Variants in BICRA observed in about 807,000 individuals in gnomAD.
BICRA encodes the protein BRD4 interacting chromatin remodeling complex associated protein.
A neutral mutation model predicts 96.9 loss-of-function variants in BICRA; 31 were observed. The ratio of observed to expected loss-of-function variants is 0.32; its 90% CI spans 0.24 to 0.43. The LOEUF (loss-of-function observed/expected upper bound fraction) is 0.43. BICRA is among the 20% of genes least tolerant of loss of function. BICRA has a pLI of 1.00. For synonymous variants in BICRA, 1,350 were observed against 1,071.8 expected (o/e 1.26, Z -5.07); for missense variants, 2,283 against 2,190.3 (o/e 1.04, Z -0.84).
chr19:47,654,435 T>C (rs1375042482), intron 1 of BICRA, among the ~76,000 whole-genome samples: 5 of 152,102 alleles, frequency 3.3e-5, no homozygotes, highest in African/African-American at 9.7e-5. Flanking sequence ...AAAATCAACC[T>C]GTTTACTACT....
At position 47,702,420 on chromosome 19, in the gene BICRA, G is replaced by T; in HGVS notation, c.*5G>T. The T allele has an allele frequency of 1.3e-6, 2 of 1,485,788 alleles. No individual in the cohort carries two copies. The highest frequency in any genetic ancestry group is 1.8e-6 in the Non-Finnish European group (2 of 1,133,788). The allele number at this position is 1,485,788 out of a possible 1,614,324, so 92.0% of individuals were successfully genotyped here. A position where few individuals can be genotyped will look rare whatever the true frequency, so the allele number is the denominator to read the frequency against. ...GCCAGGACGTTGACCAGATAACACC[G>T]GGCCGCCTCCCCTTCCCCGTCCCCT... On this transcript the variant is annotated 3_prime_UTR_variant, in exon 15 of 15. Transcript: ENST00000594866.
chr19:47,617,221 G>A (rs1037312308), intron 1 of BICRA, among the ~76,000 whole-genome samples: 1 of 152,002 alleles, frequency 6.6e-6, no homozygotes, highest in East Asian at 1.9e-4. Context: ...ACAGTCCTCC[G>A]ACTTTGGCCT....
rs1214581750 is a variant in BICRA at position 47,702,073 on chromosome 19, C to T, written c.4341C>T (p.Pro1447=). ...TGTACCAGCGTATGCTGAAGGGCCC[C>T]CCGCCAGAGCCCGCAGCCAGCGCCG... ...DELYQRMLKG[P]PPEPAASAAQ... is the part of the protein sequence containing the mutation. The change falls in exon 15 of 15, where the codon CCC becomes CCT. Residue 1447 remains proline (P), a synonymous_variant. Transcript: ENST00000594866. 1 of 1,511,392 alleles carries T rather than the reference C, an allele frequency of 6.6e-7. No homozygotes were observed. The highest frequency in any genetic ancestry group is 2.6e-5 in the East Asian group (1 of 38,358). The allele number at this position is 1,511,392 out of a possible 1,614,324, so 93.6% of individuals were successfully genotyped here.
chr19:47,694,670 A>G lies in BICRA; in HGVS notation c.2839A>G (p.Thr947Ala). 2.0e-6 allele frequency: 3 copies of G among 1,496,448 alleles called. No individual in the cohort carries two copies. The highest frequency in any genetic ancestry group is 1.8e-6 in the Non-Finnish European group (2 of 1,097,054). 92.7% of individuals were successfully genotyped at this position (1,496,448 alleles called of 1,614,324 possible). The change falls in exon 8 of 15, where the codon ACC becomes GCC. Residue 947 changes from threonine (T) to alanine (A), a missense_variant. Thr to Ala is a moderately conservative substitution (Grantham distance 58, BLOSUM62 0). Coordinates refer to ENST00000594866, the MANE Select transcript of BICRA (RefSeq NM_001394372.1). ...PPPPRTFQMVTTPFPALPQPK... is the reference protein window; with the variant it reads ...PPPPRTFQMVATPFPALPQPK... ...GCCTCCTCGGACCTTCCAGATGGTG[A>G]CCACCCCCTTCCCAGCGCTGCCCCA...
intron 7 of BICRA, among the ~76,000 whole-genome samples, chr19:47,691,442 C>G (rs1319291371): frequency 6.6e-6 from 1 of 152,226 alleles, no homozygotes; most frequent in African/African-American, 2.4e-5. Flanking sequence ...CATTGTCAGC[C>G]TTTTGCTACA....
intron 1 of BICRA, among the ~76,000 whole-genome samples, chr19:47,638,040 C>T (rs549525953): frequency 9.9e-5 from 15 of 152,252 alleles, no homozygotes; most frequent in African/African-American, 2.9e-4. Flanking sequence ...CCTCTCTGCC[C>T]GGGGCTGCTC....
intron 1 of BICRA, among the ~76,000 whole-genome samples, chr19:47,658,327 C>G (rs1276073399): frequency 6.6e-6 from 1 of 152,082 alleles, no homozygotes; most frequent in Non-Finnish European, 1.5e-5. Context: ...GGGCCTGGAC[C>G]TTGACCAGGA....
In BICRA at chr19:47,612,629, G is replaced by A. The variant is rs187065138; in HGVS notation, c.-108+3461G>A. 7.1e-3 allele frequency among the ~76,000 whole-genome samples: 1,084 copies of A among 151,772 alleles called. 29 individuals carry two copies. Among genetic ancestry groups the A allele is most frequent in the Admixed American group, 0.051 (775 of 15,198 alleles). On this transcript the variant is annotated intron_variant, in intron 1 of 14. Coordinates refer to ENST00000594866, the MANE Select transcript of BICRA (RefSeq NM_001394372.1). Reference sequence around the variant, plus strand: ...TTAGCTGTAGGGGCTGGGGGGCTGAGGGAGAGGGGCTGGGGGGCTGACGGA... The same window carrying A: ...TTAGCTGTAGGGGCTGGGGGGCTGAAGGAGAGGGGCTGGGGGGCTGACGGA...
intron 1 of BICRA, among the ~76,000 whole-genome samples, chr19:47,633,022 G>C (rs1972243436): frequency 6.6e-6 from 1 of 151,804 alleles, no homozygotes; most frequent in Non-Finnish European, 1.5e-5. Flanking sequence ...AAGCTTAGCG[G>C]CTCTTATTAA....
intron 1 of BICRA, among the ~76,000 whole-genome samples, chr19:47,610,869 C>T (rs545452996): frequency 6.6e-6 from 1 of 152,236 alleles, no homozygotes; most frequent in South Asian, 2.1e-4. Context: ...CACCCCCTTC[C>T]CATGCACTGG....
Position 47,695,701 on chromosome 19 carries a change from C to T in BICRA, c.3186+227C>T, listed in dbSNP as rs1973329935. 2.6e-5 allele frequency among the ~76,000 whole-genome samples: 4 copies of T among 151,934 alleles called. No individual in the cohort carries two copies. In the South Asian group the frequency reaches 6.2e-4, roughly 24 times the overall value. ...AAACACGGAGACGGTGGGACGGAGA[C>T]GGCACCAAGACTACTGGCAACAGTG... On this transcript the variant is annotated intron_variant, in intron 10 of 14. Coordinates refer to ENST00000594866, the MANE Select transcript of BICRA (RefSeq NM_001394372.1).
At chr19:47,676,439 T>G (rs1034036547) in intron 5 of BICRA, among the ~76,000 whole-genome samples, 1 of 152,070 alleles carries the variant, frequency 6.6e-6, no homozygotes, top group Non-Finnish European at 1.5e-5. Flanking sequence ...ACCTACTGTG[T>G]GCCTGACTAT....
Position 47,680,989 on chromosome 19 carries a change from A to T in BICRA, c.1819A>T (p.Thr607Ser), listed in dbSNP as rs938571145. The change falls in exon 6 of 15, where the codon ACC becomes TCC. Residue 607 changes from threonine to serine, a missense_variant. By Grantham distance (58) the Thr-to-Ser change is moderately conservative. Coordinates refer to ENST00000594866, the MANE Select transcript of BICRA (RefSeq NM_001394372.1). ...NTPDGLVQPA[T>S]PAAATGEAAP... ...CCCCGACGGCCTGGTGCAGCCGGCC[A>T]CCCCTGCCGCTGCCACCGGGGAGGC... 2 of 1,453,934 alleles carry T rather than the reference A, an allele frequency of 1.4e-6. No homozygotes were observed. Among genetic ancestry groups the T allele is most frequent in the Non-Finnish European group, 1.8e-6 (2 of 1,113,174 alleles). The allele number at this position is 1,453,934 out of a possible 1,614,324, so 90.1% of individuals were successfully genotyped here. A position where few individuals can be genotyped will look rare whatever the true frequency, so the allele number is the denominator to read the frequency against.
At position 47,681,061 on chromosome 19, in the gene BICRA, G is replaced by A; in HGVS notation, c.1891G>A (p.Val631Ile). 4 of 1,409,724 alleles carry A rather than the reference G, an allele frequency of 2.8e-6. 1 individual carries two copies. Among genetic ancestry groups the A allele is most frequent in the Admixed American group, 3.1e-5 (1 of 32,550 alleles). The allele number at this position is 1,409,724 out of a possible 1,614,324, so 87.3% of individuals were successfully genotyped here. A position where few individuals can be genotyped will look rare whatever the true frequency, so the allele number is the denominator to read the frequency against. The stretch of plus-strand genomic sequence containing the variant: ...GCCTGCCCCCCAGGCGCCCCCCGCG[G>A]TCAGCACACCCCTGCCCCTGGGCCT... ...VQPAPQAPPA[V>I]STPLPLGLQQ... Residue 631 changes from valine (V) to isoleucine (I), a missense_variant, in exon 6 of 15, where the codon GTC becomes ATC. Transcript: ENST00000594866.
Position 47,699,340 on chromosome 19 carries a change from G to A in BICRA, c.3530G>A (p.Arg1177Gln). The A allele has an allele frequency of 6.4e-7, 1 of 1,570,478 alleles. No individual in the cohort carries two copies. The highest frequency in any genetic ancestry group is 8.6e-7 in the Non-Finnish European group (1 of 1,157,910). Reference protein sequence around the residue: ...SPSAEMVMIDRMFIQEEKTTL... With the variant: ...SPSAEMVMIDQMFIQEEKTTL... ...TCAGCGGAGATGGTAATGATCGACCGAATGTTCATTCAGGAGGAGAAGACC... is the reference window on the plus strand; with the variant it reads ...TCAGCGGAGATGGTAATGATCGACCAAATGTTCATTCAGGAGGAGAAGACC... Residue 1177 changes from arginine to glutamine, a missense_variant, in exon 14 of 15, where the codon CGA becomes CAA. By Grantham distance (43) the Arg-to-Gln change is conservative (BLOSUM62 1). Coordinates refer to ENST00000594866, the MANE Select transcript of BICRA (RefSeq NM_001394372.1). The surrounding 1 kb of genome is among the most constrained non-coding windows in gnomAD (Gnocchi z 5.0).
intron 7 of BICRA, 38 bp from the exon 8 acceptor site, chr19:47,694,077 A>ACCCCCC: frequency 2.8e-6 from 4 of 1,410,510 alleles, no homozygotes; most frequent in South Asian, 1.5e-5. Flanking sequence ...GTTGGTTCTG[A>ACCCCCC]CCCCCGCCCC....
In BICRA at chr19:47,685,743, G is replaced by GTGTGTC. The variant is rs1287242639; in HGVS notation, c.2283+3596_2283+3597insCTGTGT. On this transcript the variant is annotated intron_variant, in intron 7 of 14. Coordinates refer to ENST00000594866, the MANE Select transcript of BICRA (RefSeq NM_001394372.1). ...TACCCAGATGGATTTGGCAGCCTCT[G>GTGTGTC]TGTGTGTGTGTGTGTGTGTGTGTGT... Among the ~76,000 whole-genome samples the GTGTGTC allele has an allele frequency of 2.7e-4, 25 of 93,074 alleles. No individual in the cohort carries two copies. The Admixed American group carries it at 2.9e-3, about 11-fold the overall frequency. 61.1% of individuals were successfully genotyped at this position (93,074 alleles called of 152,430 possible).
chr19:47,636,906 A>G (rs1972307728), intron 1 of BICRA, among the ~76,000 whole-genome samples: 1 of 151,060 alleles, frequency 6.6e-6, no homozygotes, highest in Non-Finnish European at 1.5e-5. Flanking sequence ...AGCCACACCA[A>G]CCTCTTCCTT....
chr19:47,682,226 C>T (rs540367541), intron 7 of BICRA, 74 bp downstream of exon 7: 17 of 649,430 alleles, frequency 2.6e-5, no homozygotes, highest in South Asian at 1.1e-4. Context: ...TCCCGCTCCT[C>T]GCTCTCCGCC....
Sources: gnomAD v4.1 joint callset for allele counts (sites outside exome capture counted in the v4.1 genomes callset) on GRCh38, gnomAD v4.1.1 for gene constraint, Gnocchi (gnomAD v3.1) non-coding constraint, MANE v1.5 for transcripts, NCBI Gene and HGNC (gene_info 2026-07-23, HGNC 2026-07-21) for gene names.